The following QNG1 variants were observed in gnomAD, a reference collection of about 807,000 sequenced individuals.
The protein encoded by QNG1 is Q-nucleotide N-glycosylase 1, also known as queuosine 5'-phosphate N-glycosylase/hydrolase.
the QNG1 span, among the ~76,000 whole-genome samples, chr9:83,943,148 T>G: frequency 6.6e-6 from 1 of 151,996 alleles, no homozygotes; most frequent in Non-Finnish European, 1.5e-5. Context: ...AAGACCAGCA[T>G]GACCAGTGTG....
the QNG1 span, among the ~76,000 whole-genome samples, chr9:83,947,730 G>T: frequency 6.6e-6 from 1 of 152,248 alleles, no homozygotes; most frequent in African/African-American, 2.4e-5. Flanking sequence ...GGCCGGGCTG[G>T]TCTCCAGCTC....
chr9:83,948,581 C>T, the QNG1 span, among the ~76,000 whole-genome samples: 5 of 152,180 alleles, frequency 3.3e-5, 1 homozygote, highest in South Asian at 4.1e-4. Flanking sequence ...GCCGCCACCA[C>T]GTCTGGGAGG....
chr9:83,953,969 A>C, the QNG1 span: 1 of 619,262 alleles, frequency 1.6e-6, no homozygotes. Context: ...ATCTCGGCTC[A>C]CTGCAGCCTC....
chr9:83,952,470 G>C, the QNG1 span, among the ~76,000 whole-genome samples: 1 of 151,958 alleles, frequency 6.6e-6, no homozygotes, highest in African/African-American at 2.4e-5. Flanking sequence ...GATCAGCCTG[G>C]CCAATATGGT....
the QNG1 span, chr9:83,944,708 T>A: frequency 4.1e-5 from 43 of 1,038,938 alleles, no homozygotes; most frequent in Admixed American, 5.6e-4. Context: ...ACTTTTTTTT[T>A]AAAGCAAAGG....
chr9:83,956,821 A>G, the QNG1 span: 3 of 280,046 alleles, frequency 1.1e-5, no homozygotes, highest in African/African-American at 2.2e-5. Flanking sequence ...GAAACTGCTA[A>G]GGGTCCGGCG....
the QNG1 span, chr9:83,944,739 TA>T: frequency 7.2e-7 from 1 of 1,393,442 alleles, no homozygotes; most frequent in African/African-American, 1.5e-5. Flanking sequence ...TAAAAGAAAC[TA>T]AACCGAGATC....
chr9:83,949,904 T>C, the QNG1 span, among the ~76,000 whole-genome samples: 1 of 151,476 alleles, frequency 6.6e-6, no homozygotes, highest in Non-Finnish European at 1.5e-5. Flanking sequence ...TAAATTATCA[T>C]GTCACTGCTG....
At chr9:83,945,666 A>G in the QNG1 span, among the ~76,000 whole-genome samples, 1 of 151,850 alleles carries the variant, frequency 6.6e-6, no homozygotes, top group Admixed American at 6.6e-5. Context: ...CAGTGGTGCA[A>G]TCTCGGCTCA....
chr9:83,939,715 T>C, the QNG1 span: 2 of 1,614,122 alleles, frequency 1.2e-6, no homozygotes, highest in Non-Finnish European at 1.7e-6. Flanking sequence ...TTTCCACCTC[T>C]TGCCTGTCTC....
chr9:83,939,607 G>A, the QNG1 span: 1 of 1,613,884 alleles, frequency 6.2e-7, no homozygotes, highest in East Asian at 2.2e-5. Context: ...CCAGAAGAAT[G>A]GAATTGATCT....
chr9:83,944,683 T>C, the QNG1 span: 2 of 819,184 alleles, frequency 2.4e-6, no homozygotes, highest in African/African-American at 3.6e-5. Context: ...ACATATACTA[T>C]GAACAATAAA....
the QNG1 span, among the ~76,000 whole-genome samples, chr9:83,948,508 C>T: frequency 8.8e-6 from 1 of 113,952 alleles, no homozygotes; most frequent in South Asian, 3.2e-4. Flanking sequence ...CCGCCCTGTC[C>T]GGGAGGGGGG....
At chr9:83,945,176 G>C in the QNG1 span, among the ~76,000 whole-genome samples, 1 of 152,024 alleles carries the variant, frequency 6.6e-6, no homozygotes, top group Non-Finnish European at 1.5e-5. Flanking sequence ...GGCTGAGGTG[G>C]GCAGATTGCT....
chr9:83,956,362 CCACGCG>C, the QNG1 span: 1 of 1,609,848 alleles, frequency 6.2e-7, no homozygotes, highest in Non-Finnish European at 8.5e-7. Context: ...TTCCACCCCT[CCACGCG>C]CAGCTCTGGC....
the QNG1 span, among the ~76,000 whole-genome samples, chr9:83,941,005 A>G: frequency 6.6e-6 from 1 of 152,290 alleles, no homozygotes; most frequent in East Asian, 1.9e-4. Context: ...CATTTCCTCC[A>G]AATTTGACTA....
the QNG1 span, chr9:83,955,389 G>A: frequency 3.1e-6 from 5 of 1,613,478 alleles, no homozygotes; most frequent in Non-Finnish European, 4.2e-6. Context: ...ACCTCAAACA[G>A]AGTCACATCT....
At chr9:83,945,043 T>C in the QNG1 span, 2 of 1,349,994 alleles carry the variant, frequency 1.5e-6, no homozygotes, top group South Asian at 1.4e-5. Flanking sequence ...GCTTTATATA[T>C]GCTATTTTTT....
chr9:83,943,641 C>A, the QNG1 span, among the ~76,000 whole-genome samples: 54 of 152,236 alleles, frequency 3.5e-4, no homozygotes, highest in African/African-American at 1.2e-3. Context: ...AATAATGGTA[C>A]CTTTATATTC....
Sources: gnomAD v4.1 joint callset for allele counts (sites outside exome capture counted in the v4.1 genomes callset) on GRCh38, gnomAD v4.1.1 for gene constraint, MANE v1.5 for transcripts, NCBI Gene and HGNC (gene_info 2026-07-23, HGNC 2026-07-21) for gene names.